Variants in SRGAP3 observed in about 807,000 individuals in gnomAD.
SRGAP3 encodes SLIT-ROBO Rho GTPase-activating protein 3.
Under a neutral mutation model 121.1 loss-of-function variants are expected in SRGAP3, and 39 were observed. The ratio of observed to expected loss-of-function variants is 0.32; its 90% CI spans 0.25 to 0.42. The LOEUF (loss-of-function observed/expected upper bound fraction) is 0.42, where lower values mean the gene tolerates loss of function less well. Ranked by LOEUF, SRGAP3 falls within the 10% of genes least tolerant of loss-of-function variation. The pLI is 1.00. For synonymous variants in SRGAP3, 601 were observed against 570.0 expected (o/e 1.05, Z -0.77); for missense variants, 1,213 against 1,470.6 (o/e 0.82, Z 2.86).
rs1029014565 is a variant in SRGAP3 at position 8,983,448 on chromosome 3, G to C, written c.*2071C>G. 8.7e-6 allele frequency: 2 copies of C among 229,610 alleles called. No individual in the cohort carries two copies. The highest frequency in any genetic ancestry group is 1.7e-5 in the Non-Finnish European group (2 of 116,002). 14.2% of individuals were successfully genotyped at this position (229,610 alleles called of 1,614,324 possible). A position where few individuals can be genotyped will look rare whatever the true frequency, so the allele number is the denominator to read the frequency against. The stretch of plus-strand genomic sequence containing the variant: ...GTCCAGTCCTTCAGACGAGGTAGTG[G>C]CTTTACCCTCCTAACTTATCTAGGT... On this transcript the variant is annotated 3_prime_UTR_variant, in exon 22 of 22. Transcript: ENST00000383836.
At chr3:9,042,438 GAA>G (rs3070001) in intron 10 of SRGAP3, among the ~76,000 whole-genome samples, 28,287 of 132,680 alleles carry the variant, frequency 0.21, 2,726 homozygotes, top group Middle Eastern at 0.24. Context: ...TTTATTTACA[GAA>G]AAAAAAAAAA....
chr3:9,099,674 C>T lies in SRGAP3; in HGVS notation c.423+5006G>A, dbSNP rs140775458. 2.1e-4 allele frequency among the ~76,000 whole-genome samples: 32 copies of T among 152,294 alleles called. No individual in the cohort carries two copies. In the East Asian group the frequency reaches 6.0e-3, roughly 28 times the overall value. On this transcript the variant is annotated intron_variant, in intron 3 of 21. Transcript: ENST00000383836. Reference sequence around the variant, plus strand: ...CTAGGAGTCATTCTCCATGTATGGTCCCCAGACCAGAAGCATGAGTATCAC... The same window carrying T: ...CTAGGAGTCATTCTCCATGTATGGTTCCCAGACCAGAAGCATGAGTATCAC...
chr3:9,241,970 C>T (rs770397966), intron 1 of SRGAP3, among the ~76,000 whole-genome samples: 23 of 148,358 alleles, frequency 1.6e-4, no homozygotes, highest in Non-Finnish European at 7.4e-5. Context: ...CCCAGCTACT[C>T]GGGAGGCTGA....
intron 1 of SRGAP3, among the ~76,000 whole-genome samples, chr3:9,248,305 T>C (rs998700457): frequency 4.6e-5 from 7 of 152,114 alleles, no homozygotes; most frequent in African/African-American, 1.7e-4. Context: ...TTAGTCTGGA[T>C]CAATATGCCC....
At chr3:9,267,155 AG>A (rs1167730450) in intron 3 of SRGAP3, among the ~76,000 whole-genome samples, 2 of 152,192 alleles carry the variant, frequency 1.3e-5, no homozygotes, top group African/African-American at 4.8e-5. Context: ...CTACCCAGCG[AG>A]GATTTAGGAC....
At chr3:9,025,470 C>G in intron 13 of SRGAP3, 132 bp from the exon 14 acceptor site, 1 of 1,030,164 alleles carries the variant, frequency 9.7e-7, no homozygotes, top group African/African-American at 1.6e-5. Flanking sequence ...CAGAGTCGTT[C>G]CCTATGAATG....
intron 3 of SRGAP3, 142 bp from the exon 4 acceptor site, chr3:9,080,229 C>G: frequency 1.3e-6 from 1 of 752,872 alleles, no homozygotes. Context: ...CATTGATCTA[C>G]AACAACATAA....
chr3:9,325,744 G>T (rs1955507320), intron 3 of SRGAP3, among the ~76,000 whole-genome samples: 1 of 151,914 alleles, frequency 6.6e-6, no homozygotes, highest in Admixed American at 6.5e-5. Flanking sequence ...CCTACATTGG[G>T]CCTTCATCTT....
chr3:9,300,338 A>G (rs1373614149), intron 3 of SRGAP3, among the ~76,000 whole-genome samples: 1 of 150,970 alleles, frequency 6.6e-6, no homozygotes, highest in African/African-American at 2.4e-5. Context: ...ACCTTTGTAC[A>G]TTCCATTTCT....
intron 3 of SRGAP3, among the ~76,000 whole-genome samples, chr3:9,301,175 G>T (rs1955048137): frequency 6.6e-6 from 1 of 152,158 alleles, no homozygotes; most frequent in Admixed American, 6.5e-5. Context: ...TTCTGCATTT[G>T]TAGGTTGGTT....
intron 2 of SRGAP3, among the ~76,000 whole-genome samples, chr3:9,112,465 G>A (rs149556899): frequency 1.3e-5 from 2 of 152,338 alleles, no homozygotes; most frequent in East Asian, 1.9e-4. Context: ...TAAGCAAAAT[G>A]AGCCACACTT....
chr3:9,266,629 GT>G lies in SRGAP3; in HGVS notation n.442+59380del, dbSNP rs1486683662. ...CTCACTGGAGGCCTCCTTCCATCCG[GT>G]TTTTTTGTTTTGTTTTGGTTTGGTT... is the stretch of plus-strand genomic sequence containing the variant. On this transcript the variant is annotated intron_variant and non_coding_transcript_variant, in intron 3 of 3. Coordinates refer to the SRGAP3 transcript ENST00000490889. Among the ~76,000 whole-genome samples, 6 of 150,716 alleles carry G rather than the reference GT, an allele frequency of 4.0e-5. No individual in the cohort carries two copies. The East Asian group carries it at 1.2e-3, about 29-fold the overall frequency.
intron 3 of SRGAP3, among the ~76,000 whole-genome samples, chr3:9,290,415 G>A (rs1046743230): frequency 2.6e-5 from 4 of 152,144 alleles, no homozygotes; most frequent in Non-Finnish European, 4.4e-5. Flanking sequence ...TGTGTGGGGG[G>A]ACAGCAAGAT....
At chr3:9,270,172 C>T (rs1954444792) in intron 3 of SRGAP3, among the ~76,000 whole-genome samples, 1 of 152,054 alleles carries the variant, frequency 6.6e-6, no homozygotes, top group Non-Finnish European at 1.5e-5. Context: ...GGAAATGGGT[C>T]TGAGCACAGT....
chr3:9,178,503 C>T (rs1053909840), intron 1 of SRGAP3, among the ~76,000 whole-genome samples: 4 of 152,190 alleles, frequency 2.6e-5, no homozygotes, highest in Admixed American at 2.0e-4. Context: ...CTGATTCCAG[C>T]CAGTCTGAAT....
intron 1 of SRGAP3, among the ~76,000 whole-genome samples, chr3:9,348,053 G>A (rs1042005351): frequency 1.3e-5 from 2 of 152,204 alleles, no homozygotes; most frequent in Admixed American, 1.3e-4. Flanking sequence ...ACAACCTAAT[G>A]AGCTTGCCAT....
intron 3 of SRGAP3, among the ~76,000 whole-genome samples, chr3:9,314,632 G>C (rs1053419503): frequency 4.1e-5 from 6 of 146,382 alleles, no homozygotes; most frequent in East Asian, 2.1e-4. Flanking sequence ...TATGTGTCCA[G>C]CCTGCCCTCC....
intron 5 of SRGAP3, among the ~76,000 whole-genome samples, chr3:9,062,324 C>T (rs1015930730): frequency 6.6e-5 from 10 of 152,132 alleles, no homozygotes; most frequent in East Asian, 1.9e-4. Context: ...AACTAAAAAT[C>T]GGCCTCTGGA....
chr3:9,215,548 C>T (rs904214919), intron 1 of SRGAP3, among the ~76,000 whole-genome samples: 10 of 152,196 alleles, frequency 6.6e-5, no homozygotes, highest in African/African-American at 2.4e-4. Context: ...TCTGGTAAAG[C>T]ATTATTTCTA....
Sources: gnomAD v4.1 joint callset for allele counts (sites outside exome capture counted in the v4.1 genomes callset) on GRCh38, gnomAD v4.1.1 for gene constraint, MANE v1.5 for transcripts, NCBI Gene and HGNC (gene_info 2026-07-23, HGNC 2026-07-21) for gene names.